The following SNTB2 variants were observed in gnomAD, a reference collection of about 807,000 sequenced individuals.
SNTB2 encodes the protein beta-2-syntrophin.
In SNTB2, 34 loss-of-function variants were observed where a neutral mutation model predicts 46.2. The ratio of observed to expected loss-of-function variants is 0.74; its 90% CI spans 0.56 to 0.98. The LOEUF (loss-of-function observed/expected upper bound fraction) is 0.98. Among genes scored for constraint, SNTB2 ranks in the 50% least tolerant of loss-of-function variants. SNTB2 has a pLI of 0.00. For synonymous variants in SNTB2, 290 were observed against 312.6 expected, an observed-to-expected ratio of 0.93 and a Z score of 0.76; for missense variants, 603 against 731.4, an observed-to-expected ratio of 0.82 and a Z score of 2.02.
At chr16:69,249,555 T>C (rs1964705794) in intron 2 of SNTB2, among the ~76,000 whole-genome samples, 1 of 152,200 alleles carries the variant, frequency 6.6e-6, no homozygotes, top group African/African-American at 2.4e-5. Flanking sequence ...ACTTGGGGGC[T>C]GAATTCTCTT....
chr16:69,209,125 C>T (rs146436014), intron 1 of SNTB2, among the ~76,000 whole-genome samples: 233 of 152,182 alleles, frequency 1.5e-3, no homozygotes, highest in African/African-American at 5.5e-3. Context: ...GTGCCTGCCA[C>T]CACACCCGGC....
chr16:69,257,667 G>C (rs925301615), intron 2 of SNTB2, among the ~76,000 whole-genome samples: 1 of 152,034 alleles, frequency 6.6e-6, no homozygotes, highest in African/African-American at 2.4e-5. Context: ...GGATGGTTTC[G>C]ATCTGCTGAC....
Position 69,299,687 on chromosome 16 carries a change from C to A in SNTB2, c.1443C>A (p.Tyr481Ter). Residue 481 changes from tyrosine to a stop codon, truncating the protein, a stop_gained, in exon 6 of 7, where the codon TAC becomes TAA. Transcript: ENST00000336278. LOFTEE classifies it high-confidence loss of function. ...RENGGSSSIL[Y>*]RYPFERLKMS... ...ATGGAGGCTCCAGCAGCATATTGTA[C>A]CGCTACCCCTTTGAAAGGCTGAAGA... 6.2e-7 allele frequency: 1 copy of A among 1,614,128 alleles called. No homozygotes were observed. Among genetic ancestry groups the A allele is most frequent in the Non-Finnish European group, 8.5e-7 (1 of 1,180,010 alleles).
intron 5 of SNTB2, among the ~76,000 whole-genome samples, chr16:69,291,083 C>T (rs1965155222): frequency 6.6e-6 from 1 of 152,204 alleles, no homozygotes. Context: ...GTGTCATGTT[C>T]TTTTCTGTGA....
At chr16:69,258,579 ATCT>A (rs1264287568) in intron 2 of SNTB2, among the ~76,000 whole-genome samples, 3 of 148,778 alleles carry the variant, frequency 2.0e-5, no homozygotes, top group Admixed American at 2.0e-4. Context: ...CAGAGTAATA[ATCT>A]TCTGCTAATT....
At chr16:69,298,507 C>T (rs1478429792) in intron 5 of SNTB2, among the ~76,000 whole-genome samples, 1 of 141,366 alleles carries the variant, frequency 7.1e-6, no homozygotes, top group Non-Finnish European at 1.5e-5. Context: ...CCAGTTTTAC[C>T]AATTCTTTTT....
At chr16:69,188,596 C>T (rs1964018397) in intron 1 of SNTB2, among the ~76,000 whole-genome samples, 1 of 152,192 alleles carries the variant, frequency 6.6e-6, no homozygotes, top group Non-Finnish European at 1.5e-5. Flanking sequence ...TCTAAGGACT[C>T]ATGCATGTTG....
At position 69,292,426 on chromosome 16, in the gene SNTB2, ATATATATAT is replaced by A. The variant is rs1331174325; in HGVS notation, c.1346-7154_1346-7146del. 3.1e-3 allele frequency among the ~76,000 whole-genome samples: 18 copies of A among 5,730 alleles called. 2 individuals carry two copies. The highest frequency in any genetic ancestry group is 9.9e-3 in the African/African-American group (15 of 1,520). The allele number at this position is 5,730 out of a possible 152,430, so 3.8% of individuals were successfully genotyped here. ...TATATATTATATATATATTATATATATATATATATTATATATATATAATTTTTTTTTTGA... is the reference window on the plus strand; with the variant it reads ...TATATATTATATATATATTATATATATATATATATATAATTTTTTTTTTGA... On this transcript the variant is annotated intron_variant, in intron 5 of 6. Coordinates refer to ENST00000336278, the MANE Select transcript of SNTB2 (RefSeq NM_006750.4).
At chr16:69,291,466 C>T (rs1965158511) in intron 5 of SNTB2, among the ~76,000 whole-genome samples, 1 of 152,180 alleles carries the variant, frequency 6.6e-6, no homozygotes, top group Admixed American at 6.5e-5. Flanking sequence ...AATCTCAGCA[C>T]TTTGGGAGGC....
rs1026705493 is a variant in SNTB2 at position 69,205,987 on chromosome 16, C to T, written c.580+18241C>T. On this transcript the variant is annotated intron_variant, in intron 1 of 6. Coordinates refer to ENST00000336278, the MANE Select transcript of SNTB2 (RefSeq NM_006750.4). ...TGGGAATGTAGGAACTCTTTGCTCC[C>T]ACTTTTTTGTTGTTGTTGTCAAAGG... 1.8e-4 allele frequency among the ~76,000 whole-genome samples: 27 copies of T among 152,092 alleles called. 1 individual carries two copies. Among genetic ancestry groups the T allele is most frequent in the African/African-American group, 4.8e-4 (20 of 41,400 alleles).
At chr16:69,293,598 AGAG>A (rs1364393850) in intron 5 of SNTB2, among the ~76,000 whole-genome samples, 13 of 152,166 alleles carry the variant, frequency 8.5e-5, no homozygotes, top group Non-Finnish European at 1.8e-4. Context: ...TTTGATATGA[AGAG>A]GAGGAGAGAG....
At chr16:69,261,796 G>A (rs36062074) in intron 3 of SNTB2, among the ~76,000 whole-genome samples, 2,745 of 152,232 alleles carry the variant, frequency 0.018, 40 homozygotes, top group Middle Eastern at 0.044. Context: ...AAATTAATGG[G>A]TGAAAACTCT....
At chr16:69,230,751 T>C (rs565151445) in intron 1 of SNTB2, among the ~76,000 whole-genome samples, 60 of 150,820 alleles carry the variant, frequency 4.0e-4, no homozygotes, top group African/African-American at 1.3e-3. Flanking sequence ...TTCTTTCTTT[T>C]TTTTTTTTTT....
At chr16:69,233,370 A>T (rs1388587615) in intron 1 of SNTB2, among the ~76,000 whole-genome samples, 1 of 152,304 alleles carries the variant, frequency 6.6e-6, no homozygotes, top group African/African-American at 2.4e-5. Context: ...GCATTAAGAG[A>T]CATGGATTTC....
At chr16:69,294,519 T>G (rs1041823761) in intron 5 of SNTB2, among the ~76,000 whole-genome samples, 1 of 151,090 alleles carries the variant, frequency 6.6e-6, no homozygotes, top group African/African-American at 2.4e-5. Context: ...TGGTCAGGAG[T>G]TTGAGACCAT....
intron 1 of SNTB2, among the ~76,000 whole-genome samples, chr16:69,204,517 AT>A (rs1278599028): frequency 6.6e-6 from 1 of 152,214 alleles, no homozygotes. Flanking sequence ...CCCAACATGA[AT>A]TTTAAATTCT....
At chr16:69,199,954 G>A (rs1284527179) in intron 1 of SNTB2, among the ~76,000 whole-genome samples, 2 of 151,556 alleles carry the variant, frequency 1.3e-5, no homozygotes, top group Non-Finnish European at 2.9e-5. Flanking sequence ...TCCCTCTGTC[G>A]CCCAGGCTGG....
intron 5 of SNTB2, among the ~76,000 whole-genome samples, chr16:69,294,304 A>G (rs889311596): frequency 2.0e-5 from 3 of 152,124 alleles, no homozygotes; most frequent in African/African-American, 7.2e-5. Flanking sequence ...GGCATGAGCC[A>G]CTGTGCCCAG....
intron 1 of SNTB2, among the ~76,000 whole-genome samples, chr16:69,207,598 A>T (rs1490706629): frequency 6.6e-6 from 1 of 152,228 alleles, no homozygotes; most frequent in Non-Finnish European, 1.5e-5. Flanking sequence ...TTTTTGATTT[A>T]TTACATACCT....
Sources: gnomAD v4.1 joint callset for allele counts (sites outside exome capture counted in the v4.1 genomes callset) on GRCh38, gnomAD v4.1.1 for gene constraint, MANE v1.5 for transcripts, NCBI Gene and HGNC (gene_info 2026-07-23, HGNC 2026-07-21) for gene names.